The following RASGRP3 variants were observed in gnomAD, a reference collection of about 807,000 sequenced individuals.
The protein encoded by RASGRP3 is ras guanyl-releasing protein 3.
RASGRP3 carries 54 observed loss-of-function variants against 82.7 expected under a neutral mutation model. The observed-to-expected ratio is 0.65, with a 90% CI of 0.52 to 0.82. The LOEUF (loss-of-function observed/expected upper bound fraction) is 0.82. Ranked by LOEUF, RASGRP3 falls within the 40% of genes least tolerant of loss-of-function variation. The pLI is 0.00. For synonymous variants in RASGRP3, 309 were observed against 300.5 expected, an observed-to-expected ratio of 1.03 and a Z score of -0.29; for missense variants, 861 against 828.9, an observed-to-expected ratio of 1.04 and a Z score of -0.48.
At chr2:33,499,315 T>C (rs1226651586) in intron 1 of RASGRP3, among the ~76,000 whole-genome samples, 1 of 152,134 alleles carries the variant, frequency 6.6e-6, no homozygotes, top group African/African-American at 2.4e-5. Flanking sequence ...CTCAGCACTT[T>C]GGGAGACCGA....
intron 2 of RASGRP3, among the ~76,000 whole-genome samples, chr2:33,459,744 G>T (rs545553941): frequency 1.3e-5 from 2 of 152,316 alleles, no homozygotes; most frequent in African/African-American, 4.8e-5. Context: ...AATGAAGCCA[G>T]CTGTGTCTGC....
In RASGRP3 at chr2:33,555,112, A is replaced by G. The variant is rs142579368; in HGVS notation, c.1543-419A>G. The G allele has an allele frequency of 4.4e-3, 691 of 158,298 alleles. 5 individuals carry two copies. The highest frequency in any genetic ancestry group is 0.016 in the African/African-American group (664 of 41,826). The allele number at this position is 158,298 out of a possible 1,614,324, so 9.8% of individuals were successfully genotyped here. ...CAGAAAATAGCCTAGCAAAATCCAA[A>G]TGCTTTCACATGAGGTGCGCTTCTT... On this transcript the variant is annotated intron_variant, in intron 14 of 17. Coordinates refer to ENST00000403687, the MANE Select transcript of RASGRP3 (RefSeq NM_001139488.2).
At chr2:33,546,796 G>A (rs898883607) in intron 13 of RASGRP3, among the ~76,000 whole-genome samples, 7 of 152,058 alleles carry the variant, frequency 4.6e-5, no homozygotes, top group African/African-American at 1.5e-4. Flanking sequence ...TGCCAGGCAC[G>A]GTGGCTCATG....
At chr2:33,455,062 G>GGAATGTC in intron 2 of RASGRP3, among the ~76,000 whole-genome samples, 1 of 152,216 alleles carries the variant, frequency 6.6e-6, no homozygotes, top group East Asian at 1.9e-4. Flanking sequence ...GAGGAGAGTG[G>GGAATGTC]GAATGTCAGG....
At chr2:33,491,100 G>A (rs1668803207) in intron 1 of RASGRP3, among the ~76,000 whole-genome samples, 1 of 152,142 alleles carries the variant, frequency 6.6e-6, no homozygotes, top group Non-Finnish European at 1.5e-5. Flanking sequence ...CGGATTGCTT[G>A]AGGCCGGGAG....
chr2:33,542,510 A>G (rs1277230510), intron 12 of RASGRP3, among the ~76,000 whole-genome samples: 1 of 147,222 alleles, frequency 6.8e-6, no homozygotes, highest in African/African-American at 2.4e-5. Context: ...TGTATGCTTT[A>G]ATTTTTGAGA....
At chr2:33,462,122 T>A (rs1158660447) in intron 2 of RASGRP3, among the ~76,000 whole-genome samples, 1 of 152,196 alleles carries the variant, frequency 6.6e-6, no homozygotes, top group Non-Finnish European at 1.5e-5. Flanking sequence ...ATGGCTATTT[T>A]ATAATTACAG....
At chr2:33,492,880 G>A (rs772802886) in intron 1 of RASGRP3, among the ~76,000 whole-genome samples, 1 of 152,148 alleles carries the variant, frequency 6.6e-6, no homozygotes, top group Non-Finnish European at 1.5e-5. Flanking sequence ...ATTCTAGTGA[G>A]CAAATGTTCT....
At chr2:33,446,111 G>C (rs1665485725) in intron 1 of RASGRP3, among the ~76,000 whole-genome samples, 2 of 152,096 alleles carry the variant, frequency 1.3e-5, no homozygotes, top group Admixed American at 6.6e-5. Context: ...TTAATGTGTA[G>C]CCATTCTTTT....
At position 33,562,460 on chromosome 2, in the gene RASGRP3, G is replaced by T. The variant is rs147384226; in HGVS notation, c.2065-269G>T. 2.3e-3 allele frequency among the ~76,000 whole-genome samples: 345 copies of T among 151,102 alleles called. 1 individual carries two copies. The highest frequency in any genetic ancestry group is 2.9e-3 in the Non-Finnish European group (198 of 67,786). The stretch of plus-strand genomic sequence containing the variant: ...TTTTTATTTATTTTTTTGTAGAGAC[G>T]GGGTCTTGCTATATTTACCAGGCTG... On this transcript the variant is annotated intron_variant, in intron 17 of 17. Transcript: ENST00000403687.
chr2:33,446,345 G>A (rs1011764193), intron 1 of RASGRP3, among the ~76,000 whole-genome samples: 2 of 152,094 alleles, frequency 1.3e-5, no homozygotes, highest in African/African-American at 4.8e-5. Context: ...TTTTAGTGGA[G>A]ATGGGGTTTC....
At chr2:33,543,903 C>G (rs1674499720) in intron 13 of RASGRP3, among the ~76,000 whole-genome samples, 1 of 152,166 alleles carries the variant, frequency 6.6e-6, no homozygotes, top group South Asian at 2.1e-4. Flanking sequence ...TTGCTTAGCT[C>G]TCAACCTCAA....
intron 12 of RASGRP3, among the ~76,000 whole-genome samples, chr2:33,543,020 A>C (rs2151077021): frequency 6.6e-6 from 1 of 152,104 alleles, no homozygotes; most frequent in South Asian, 2.1e-4. Context: ...TTTATTTAAA[A>C]TTTATTTTTT....
At chr2:33,474,173 G>A (rs1558415882), upstream of RASGRP3, among the ~76,000 whole-genome samples, 1 of 152,036 alleles carries the variant, frequency 6.6e-6, no homozygotes, top group Non-Finnish European at 1.5e-5. Flanking sequence ...CACTTATGAT[G>A]TAGTTTGGAT....
chr2:33,476,831 G>A (rs1463185288), intron 1 of RASGRP3, 124 bp downstream of exon 1: 1 of 143,404 alleles, frequency 7.0e-6, no homozygotes, highest in Non-Finnish European at 1.5e-5. Context: ...TTTGATTTTG[G>A]TTTCCCTCTG....
rs201148346 is a variant in RASGRP3 at position 33,520,606 on chromosome 2, G to A, written c.290G>A (p.Arg97His). ...TTTAATTTGGATCTTGGTTTGATTC[G>A]TATGACTGAGGAATTTCGGGAAGTA... Reference protein sequence around the residue: ...AEFNLDLGLIRMTEEFREVAS... With the variant: ...AEFNLDLGLIHMTEEFREVAS... The change falls in exon 6 of 18, where the codon CGT becomes CAT. Residue 97 changes from arginine (R) to histidine (H), a missense_variant. Coordinates refer to ENST00000403687, the MANE Select transcript of RASGRP3 (RefSeq NM_001139488.2). 55 of 1,613,930 alleles carry A rather than the reference G, an allele frequency of 3.4e-5. No individual in the cohort carries two copies. Among genetic ancestry groups the A allele is most frequent in the Admixed American group, 1.7e-4 (10 of 60,020 alleles).
chr2:33,512,100 T>C (rs779913384), intron 2 of RASGRP3, among the ~76,000 whole-genome samples: 2 of 152,204 alleles, frequency 1.3e-5, no homozygotes. Context: ...CTCAGGTAAA[T>C]GTGCAGGTGA....
In RASGRP3 at chr2:33,537,638, G is replaced by C. The variant is rs960535073; in HGVS notation, c.1162-1456G>C. The stretch of plus-strand genomic sequence containing the variant: ...AGCCTCCCAAAGTGCTGGGATTACA[G>C]GTGTGAGCCACTGTACCCAGCCTCT... On this transcript the variant is annotated intron_variant, in intron 11 of 17. Coordinates refer to ENST00000403687, the MANE Select transcript of RASGRP3 (RefSeq NM_001139488.2). Among the ~76,000 whole-genome samples, 31 of 152,048 alleles carry C rather than the reference G, an allele frequency of 2.0e-4. 1 individual carries two copies. Among genetic ancestry groups the C allele is most frequent in the South Asian group, 2.1e-4 (1 of 4,826 alleles).
intron 1 of RASGRP3, among the ~76,000 whole-genome samples, chr2:33,488,222 G>T (rs771092022): frequency 6.6e-6 from 1 of 152,088 alleles, no homozygotes; most frequent in Non-Finnish European, 1.5e-5. Flanking sequence ...TATTGTCCTG[G>T]CAAAGCACGT....
Sources: allele counts gnomAD v4.1 joint callset (sites outside exome capture counted in the v4.1 genomes callset), GRCh38; gene constraint gnomAD v4.1.1; transcripts MANE v1.5; gene names NCBI Gene and HGNC (gene_info 2026-07-23, HGNC 2026-07-21).